ATL1: variants seen among roughly 807,000 people sequenced by gnomAD.
The protein encoded by ATL1 is atlastin-1.
In ATL1, 31 loss-of-function variants were observed where a neutral mutation model predicts 75.5. The observed-to-expected ratio is 0.41, with a 90% CI of 0.31 to 0.55. The LOEUF is 0.55. Among genes scored for constraint, ATL1 ranks in the 20% least tolerant of loss-of-function variants. The probability of loss-of-function intolerance (pLI) is 0.27; values close to 1 mark genes in which losing one functional copy is unlikely to be tolerated. For missense variants in ATL1, 405 were observed against 662.6 expected, an observed-to-expected ratio of 0.61 and a Z score of 4.27; for synonymous variants, 226 against 233.3, an observed-to-expected ratio of 0.97 and a Z score of 0.28.
At chr14:50,576,007 C>A (rs945889753) in intron 1 of ATL1, among the ~76,000 whole-genome samples, 30 of 152,082 alleles carry the variant, frequency 2.0e-4, no homozygotes, top group African/African-American at 7.0e-4. Context: ...AGACTATCCT[C>A]AACTTATGAT....
intron 11 of ATL1, among the ~76,000 whole-genome samples, chr14:50,625,969 A>C (rs72679588): frequency 0.18 from 27,570 of 152,046 alleles, 3,033 homozygotes; most frequent in African/African-American, 0.31. Flanking sequence ...GGAAGAACAA[A>C]GCCTATGTAA....
chr14:50,621,270 G>GGA (rs1389112687), intron 9 of ATL1, among the ~76,000 whole-genome samples: 1 of 152,138 alleles, frequency 6.6e-6, no homozygotes, highest in Admixed American at 6.6e-5. Context: ...GAGAATTTCA[G>GGA]TTACCAACCC....
intron 1 of ATL1, among the ~76,000 whole-genome samples, chr14:50,533,945 C>T (rs1028479967): frequency 2.0e-5 from 3 of 152,286 alleles, no homozygotes; most frequent in East Asian, 1.9e-4. Flanking sequence ...CTTACATGCT[C>T]CATGGACAAA....
intron 1 of ATL1, chr14:50,561,169 G>C (rs1009939652): frequency 3.3e-5 from 5 of 152,238 alleles, no homozygotes; most frequent in African/African-American, 1.2e-4. Flanking sequence ...CGGGCGCAGC[G>C]ATGCGGAAGA....
chr14:50,628,603 A>G (rs1410648115), intron 12 of ATL1, 141 bp downstream of exon 12: 3 of 802,052 alleles, frequency 3.7e-6, no homozygotes, highest in Non-Finnish European at 6.5e-6. Flanking sequence ...CTGCCCAGAT[A>G]CAAGCAACTA....
intron 13 of ATL1, chr14:50,631,041 G>A (rs879116921): frequency 6.9e-6 from 3 of 432,364 alleles, no homozygotes; most frequent in Non-Finnish European, 1.4e-5. Context: ...GGCGGATCAC[G>A]TTAGGTCAGG....
At chr14:50,537,976 A>T (rs2140141880) in intron 1 of ATL1, among the ~76,000 whole-genome samples, 1 of 152,294 alleles carries the variant, frequency 6.6e-6, no homozygotes, top group African/African-American at 2.4e-5. Flanking sequence ...ACTGTTGGGA[A>T]GGCATGATTG....
chr14:50,561,175 G>A (rs1645136201), intron 1 of ATL1: 1 of 152,264 alleles, frequency 6.6e-6, no homozygotes, highest in Non-Finnish European at 1.5e-5. Context: ...CAGCGATGCG[G>A]AAGAAATCGC....
intron 6 of ATL1, among the ~76,000 whole-genome samples, chr14:50,608,353 G>C (rs1250080104): frequency 1.3e-5 from 2 of 152,018 alleles, no homozygotes; most frequent in African/African-American, 2.4e-5. Context: ...CCCCATTCAT[G>C]AGAACCAATT....
intron 2 of ATL1, among the ~76,000 whole-genome samples, chr14:50,589,815 T>TA (rs2039139187): frequency 6.6e-6 from 1 of 152,212 alleles, no homozygotes; most frequent in South Asian, 2.1e-4. Context: ...CATTTTTCTT[T>TA]AAATTAGTTT....
At chr14:50,582,361 C>G (rs1210390763) in intron 1 of ATL1, among the ~76,000 whole-genome samples, 1 of 151,510 alleles carries the variant, frequency 6.6e-6, no homozygotes, top group Non-Finnish European at 1.5e-5. Context: ...TGAGTTCTAT[C>G]AAAATTTCAA....
intron 1 of ATL1, among the ~76,000 whole-genome samples, chr14:50,579,493 T>G (rs1329967070): frequency 6.6e-6 from 1 of 152,228 alleles, no homozygotes; most frequent in African/African-American, 2.4e-5. Flanking sequence ...CTTATTAATT[T>G]GCATAATAAA....
At chr14:50,537,231 G>C (rs1362513253) in intron 1 of ATL1, among the ~76,000 whole-genome samples, 3 of 152,256 alleles carry the variant, frequency 2.0e-5, no homozygotes, top group Non-Finnish European at 4.4e-5. Context: ...CGTGGCTTCA[G>C]AGGGTGCAAG....
intron 6 of ATL1, among the ~76,000 whole-genome samples, chr14:50,597,132 C>A (rs1418639072): frequency 2.7e-5 from 4 of 147,730 alleles, no homozygotes; most frequent in African/African-American, 1.0e-4. Flanking sequence ...ATCACTTGAA[C>A]CTGGGAGTGG....
upstream of ATL1, among the ~76,000 whole-genome samples, chr14:50,558,028 A>G (rs2038785245): frequency 6.6e-6 from 1 of 152,248 alleles, no homozygotes; most frequent in Non-Finnish European, 1.5e-5. Context: ...TGCATAGCAC[A>G]ATTTTTTTAA....
chr14:50,566,828 A>G (rs1425230403), intron 1 of ATL1, among the ~76,000 whole-genome samples: 1 of 152,160 alleles, frequency 6.6e-6, no homozygotes, highest in Non-Finnish European at 1.5e-5. Context: ...CATTTAAACA[A>G]TATTTTCCTT....
chr14:50,604,621 G>T (rs2039300270), intron 6 of ATL1, among the ~76,000 whole-genome samples: 2 of 151,994 alleles, frequency 1.3e-5, no homozygotes, highest in African/African-American at 2.4e-5. Flanking sequence ...ATACTTTTAA[G>T]GTAAGAACTA....
intron 1 of ATL1, among the ~76,000 whole-genome samples, chr14:50,542,997 T>G (rs1259632488): frequency 1.3e-5 from 2 of 152,202 alleles, no homozygotes; most frequent in African/African-American, 4.8e-5. Context: ...AGAAGTATTA[T>G]GGATGGATTC....
At chr14:50,620,557 G>A in intron 8 of ATL1, 42 bp from the exon 9 acceptor site, 1 of 1,594,442 alleles carries the variant, frequency 6.3e-7, no homozygotes, top group Admixed American at 1.7e-5. Context: ...GGAGGACTGG[G>A]AAGGATTCCA....
Sources: allele counts gnomAD v4.1 joint callset (sites outside exome capture counted in the v4.1 genomes callset), GRCh38; gene constraint gnomAD v4.1.1; transcripts MANE v1.5; gene names NCBI Gene and HGNC (gene_info 2026-07-23, HGNC 2026-07-21).